The following MAP3K7CL variants were observed in gnomAD, a reference collection of about 807,000 sequenced individuals.
MAP3K7CL encodes the protein MAP3K7 C-terminal like.
MAP3K7CL carries 16 observed loss-of-function variants against 18.6 expected under a neutral mutation model. The ratio of observed to expected loss-of-function variants is 0.86; its 90% CI spans 0.58 to 1.31. MAP3K7CL has a LOEUF of 1.31. Among genes scored for constraint, MAP3K7CL ranks in the 50% most tolerant of loss-of-function variants. MAP3K7CL has a pLI of 0.00. For synonymous variants in MAP3K7CL, 65 were observed against 66.8 expected (o/e 0.97, Z 0.13); for missense variants, 163 against 174.4 (o/e 0.93, Z 0.37).
At chr21:29,103,410 G>A (rs1601158053) in intron 4 of MAP3K7CL, among the ~76,000 whole-genome samples, 1 of 151,654 alleles carries the variant, frequency 6.6e-6, no homozygotes, top group East Asian at 1.9e-4. Flanking sequence ...TGGGAAACAT[G>A]ATAAGACCCA....
At chr21:29,173,242 G>T (rs1441276973) in intron 4 of MAP3K7CL, among the ~76,000 whole-genome samples, 2 of 152,178 alleles carry the variant, frequency 1.3e-5, no homozygotes, top group Non-Finnish European at 2.9e-5. Context: ...TTCTGTGAAT[G>T]ATCATGAAGT....
intron 2 of MAP3K7CL, among the ~76,000 whole-genome samples, chr21:29,145,214 A>ACTAG (rs143793448): frequency 1.3e-5 from 2 of 151,712 alleles, no homozygotes; most frequent in African/African-American, 4.8e-5. Flanking sequence ...ATAATTGGTA[A>ACTAG]ATTTTAATAA....
intron 4 of MAP3K7CL, among the ~76,000 whole-genome samples, chr21:29,105,872 A>C (rs1425661518): frequency 6.6e-6 from 1 of 152,196 alleles, no homozygotes; most frequent in Non-Finnish European, 1.5e-5. Flanking sequence ...AGAGGGCTAC[A>C]TAGAGGGAGA....
rs936272337 is a variant in MAP3K7CL, at chr21:29,132,368, T to C, written c.-39-938T>C. Among the ~76,000 whole-genome samples the C allele has an allele frequency of 2.0e-4, 30 of 152,232 alleles. 1 individual carries two copies. The highest frequency in any genetic ancestry group is 1.1e-3 in the Admixed American group (17 of 15,294). ...GGAGTAGAATATCTATAGGATGTTT[T>C]TGAGTCTTGTCTTTGCTTTTATAGA... On this transcript the variant is annotated intron_variant, in intron 1 of 4. Transcript: ENST00000399928.
upstream of MAP3K7CL, among the ~76,000 whole-genome samples, chr21:29,084,037 T>TCCA (rs1491509234): frequency 6.8e-6 from 1 of 148,030 alleles, no homozygotes; most frequent in East Asian, 1.9e-4. Context: ...GTAATATAAT[T>TCCA]ATATATAATA....
chr21:29,131,890 TTAGA>T (rs1470998888), intron 1 of MAP3K7CL, among the ~76,000 whole-genome samples: 1 of 152,204 alleles, frequency 6.6e-6, no homozygotes, highest in African/African-American at 2.4e-5. Flanking sequence ...GACACTATTT[TTAGA>T]TAGATAGAGG....
chr21:29,134,334 C>T (rs2086839155), intron 2 of MAP3K7CL, among the ~76,000 whole-genome samples: 1 of 151,872 alleles, frequency 6.6e-6, no homozygotes, highest in South Asian at 2.1e-4. Context: ...CCCTGGGCAA[C>T]ACAGGCAGAC....
chr21:29,118,043 G>A, intron 4 of MAP3K7CL, among the ~76,000 whole-genome samples: 1 of 149,810 alleles, frequency 6.7e-6, no homozygotes, highest in Admixed American at 6.7e-5. Context: ...CTACAATTTA[G>A]AATTGTAAGA....
At chr21:29,113,073 G>A (rs1386074443) in intron 4 of MAP3K7CL, among the ~76,000 whole-genome samples, 2 of 152,158 alleles carry the variant, frequency 1.3e-5, no homozygotes, top group African/African-American at 2.4e-5. Flanking sequence ...GGGATTACAG[G>A]CGTGAGCCAC....
intron 4 of MAP3K7CL, among the ~76,000 whole-genome samples, chr21:29,118,415 C>T (rs1319819381): frequency 6.6e-6 from 1 of 151,412 alleles, no homozygotes; most frequent in Non-Finnish European, 1.5e-5. Context: ...GCACTTGCAT[C>T]CCAGGTTCAA....
intron 4 of MAP3K7CL, among the ~76,000 whole-genome samples, chr21:29,108,469 T>C (rs2086362796): frequency 6.6e-6 from 1 of 152,230 alleles, no homozygotes; most frequent in Non-Finnish European, 1.5e-5. Flanking sequence ...CTAAAAGGTT[T>C]TTGACACCTA....
intron 4 of MAP3K7CL, among the ~76,000 whole-genome samples, chr21:29,162,683 CAAA>C (rs34759620): frequency 2.2e-4 from 27 of 122,500 alleles, no homozygotes; most frequent in African/African-American, 7.1e-4. Flanking sequence ...AACTCTGTCT[CAAA>C]AAAAAAAAAA....
intron 3 of MAP3K7CL, chr21:29,092,426 G>C: frequency 6.2e-7 from 1 of 1,613,844 alleles, no homozygotes; most frequent in African/African-American, 1.3e-5. Context: ...ATTTGGCCTT[G>C]ATCTTTATTT....
Position 29,107,595 on chromosome 21 carries a change from C to G in MAP3K7CL, c.370+15014C>G, listed in dbSNP as rs73899337. 2.9e-3 allele frequency among the ~76,000 whole-genome samples: 441 copies of G among 152,256 alleles called. 1 individual carries two copies. The highest frequency in any genetic ancestry group is 0.01 in the African/African-American group (425 of 41,546). On this transcript the variant is annotated intron_variant, in intron 4 of 6. Transcript: ENST00000286791. The stretch of plus-strand genomic sequence containing the variant: ...TGGGAAAGATTTTCTTCCCTTGCCA[C>G]CCCCACCTGTCTTTGGAAGTTGTCA...
chr21:29,128,459 C>T (rs8130980), upstream of MAP3K7CL, among the ~76,000 whole-genome samples: 3,507 of 152,114 alleles, frequency 0.023, 128 homozygotes, highest in African/African-American at 0.078. Flanking sequence ...CCCACCACCA[C>T]GCCCGGCTAA....
At chr21:29,121,409 G>T (rs1461406294) in intron 4 of MAP3K7CL, among the ~76,000 whole-genome samples, 1 of 152,072 alleles carries the variant, frequency 6.6e-6, no homozygotes, top group African/African-American at 2.4e-5. Flanking sequence ...TAAACAAAAA[G>T]GTCCCTGGAT....
At chr21:29,121,929 T>C (rs2832194) in intron 4 of MAP3K7CL, 72,079 of 151,538 alleles carry the variant, frequency 0.48, 17,487 homozygotes, top group East Asian at 0.67. Flanking sequence ...TCACAGGCAC[T>C]AGTCAAATTT....
intron 1 of MAP3K7CL, chr21:29,086,006 A>G: frequency 7.0e-7 from 1 of 1,430,840 alleles, no homozygotes; most frequent in East Asian, 2.3e-5. Flanking sequence ...AATGTAGGAA[A>G]GAAGCAGAGA....
At chr21:29,083,330 C>G (rs1030718265), upstream of MAP3K7CL, among the ~76,000 whole-genome samples, 4 of 152,080 alleles carry the variant, frequency 2.6e-5, no homozygotes, top group Admixed American at 2.6e-4. Flanking sequence ...ATTAATTTTG[C>G]CCTCGGATGA....
Sources: allele counts gnomAD v4.1 joint callset (sites outside exome capture counted in the v4.1 genomes callset), GRCh38; gene constraint gnomAD v4.1.1; transcripts MANE v1.5; gene names NCBI Gene and HGNC (gene_info 2026-07-23, HGNC 2026-07-21).